Variants in CLMN observed in about 807,000 individuals in gnomAD.
CLMN encodes calmin, also known as calmin (calponin-like, transmembrane).
A neutral mutation model predicts 92.7 loss-of-function variants in CLMN; 57 were observed. The observed-to-expected ratio is 0.61, with a 90% CI of 0.50 to 0.77. CLMN has a LOEUF of 0.77. Ranked by LOEUF, CLMN falls within the 30% of genes least tolerant of loss-of-function variation. The probability of loss-of-function intolerance (pLI) is 0.00; values close to 1 mark genes in which losing one functional copy is unlikely to be tolerated. For synonymous variants in CLMN, 466 were observed against 470.6 expected (o/e 0.99, Z 0.13); for missense variants, 1,158 against 1,237.5 (o/e 0.94, Z 0.96).
At chr14:95,246,455 C>A (rs1462310522) in intron 1 of CLMN, among the ~76,000 whole-genome samples, 3 of 152,214 alleles carry the variant, frequency 2.0e-5, no homozygotes, top group Admixed American at 6.5e-5. Flanking sequence ...CCCCCCTCCT[C>A]TTGGGAACTG....
intron 1 of CLMN, among the ~76,000 whole-genome samples, chr14:95,271,043 T>C (rs564948464): frequency 5.1e-4 from 77 of 152,376 alleles, no homozygotes; most frequent in African/African-American, 1.8e-3. Flanking sequence ...AAGTGGTACT[T>C]CATTTCCACG....
chr14:95,231,318 TC>T (rs1274679879), intron 1 of CLMN, among the ~76,000 whole-genome samples: 1 of 149,856 alleles, frequency 6.7e-6, no homozygotes. Context: ...TGCCTCAGCC[TC>T]CAGAGTAGCT....
At chr14:95,214,953 C>G (rs1256421826) in intron 5 of CLMN, among the ~76,000 whole-genome samples, 1 of 152,140 alleles carries the variant, frequency 6.6e-6, no homozygotes, top group Non-Finnish European at 1.5e-5. Context: ...GAGATACCAG[C>G]TCTCTCCTTC....
intron 1 of CLMN, among the ~76,000 whole-genome samples, chr14:95,246,653 G>C (rs777423783): frequency 7.2e-5 from 11 of 152,142 alleles, no homozygotes; most frequent in Non-Finnish European, 1.5e-4. Flanking sequence ...ATTTTTGGTA[G>C]AGGTGGGGTT....
chr14:95,220,846 T>A (rs1366466946), intron 4 of CLMN, among the ~76,000 whole-genome samples: 2 of 152,086 alleles, frequency 1.3e-5, no homozygotes, highest in African/African-American at 4.8e-5. Context: ...TGCCCAGAGG[T>A]TGCAGGGGCA....
intron 1 of CLMN, 112 bp from the exon 2 acceptor site, chr14:95,230,245 T>TC (rs2140634257): frequency 1.0e-6 from 1 of 978,092 alleles, no homozygotes; most frequent in East Asian, 2.4e-5. Flanking sequence ...CCCCAGGGTG[T>TC]CCCATGTAAG....
chr14:95,202,912 G>A lies in CLMN; in HGVS notation c.2437C>T (p.Pro813Ser). 1 of 1,596,472 alleles carries A rather than the reference G, an allele frequency of 6.3e-7. No homozygotes were observed. The highest frequency in any genetic ancestry group is 8.5e-7 in the Non-Finnish European group (1 of 1,173,888). Residue 813 changes from proline (P) to serine (S), a missense_variant, in exon 9 of 13, where the codon CCC (proline) becomes TCC (serine). Pro to Ser is a moderately conservative substitution (Grantham distance 74, BLOSUM62 -1). Coordinates refer to ENST00000298912, the MANE Select transcript of CLMN (RefSeq NM_024734.4). ...TCCTCATGGGGGGCCAGTGGAGCGG[G>A]TTCTGAGGCTGGTGTGGTACCCACA... is the stretch of plus-strand genomic sequence containing the variant. ...GGVGTTPASE[P>S]APLAPHEDHQ...
Position 95,319,852 on chromosome 14 carries a change from G to C in CLMN, c.-60C>G, listed in dbSNP as rs1901973692. On this transcript the variant is annotated 5_prime_UTR_variant, in exon 1 of 13. Transcript: ENST00000298912. ...GCGGGCGGCGGGCGCGGAGAGCCTG[G>C]CTGGCGGGCGCGCGAGCGGCACGCA... 6.9e-6 allele frequency: 7 copies of C among 1,014,070 alleles called. No homozygotes were observed. Among genetic ancestry groups the C allele is most frequent in the Non-Finnish European group, 8.4e-6 (7 of 837,058 alleles). 62.8% of individuals were successfully genotyped at this position (1,014,070 alleles called of 1,614,324 possible).
intron 1 of CLMN, among the ~76,000 whole-genome samples, chr14:95,265,948 C>T (rs1899456086): frequency 2.6e-5 from 4 of 152,206 alleles, no homozygotes. Context: ...CCAGACATCT[C>T]ACACACGGGC....
chr14:95,262,926 G>A (rs1036284391), intron 1 of CLMN, among the ~76,000 whole-genome samples: 16 of 152,146 alleles, frequency 1.1e-4, no homozygotes, highest in African/African-American at 3.9e-4. Flanking sequence ...CCAAGGCCAC[G>A]CAGCTTGTTC....
At chr14:95,318,050 C>T (rs891927456) in intron 1 of CLMN, among the ~76,000 whole-genome samples, 6 of 152,092 alleles carry the variant, frequency 3.9e-5, no homozygotes, top group African/African-American at 1.4e-4. Flanking sequence ...CTGGTTGTAA[C>T]CTAATGTTCA....
In CLMN at chr14:95,205,218, T is replaced by C. The variant is rs559206145; in HGVS notation, c.886-755A>G. Among the ~76,000 whole-genome samples the C allele has an allele frequency of 2.8e-4, 42 of 152,370 alleles. 1 individual carries two copies. In the South Asian group the frequency reaches 8.3e-3, roughly 30 times the overall value. On this transcript the variant is annotated intron_variant, in intron 8 of 12. Coordinates refer to ENST00000298912, the MANE Select transcript of CLMN (RefSeq NM_024734.4). ...CTTACACACTTGTTTGGGAAAGGGC[T>C]GTATTTCCTGAGGGAAAAAAATGAC...
In CLMN at chr14:95,194,148, G is replaced by C; in HGVS notation, c.2770-229C>G. The C allele has an allele frequency of 2.8e-6, 4 of 1,411,908 alleles. No homozygotes were observed. The highest frequency in any genetic ancestry group is 2.6e-4 in the Middle Eastern group (1 of 3,826). 87.5% of individuals were successfully genotyped at this position (1,411,908 alleles called of 1,614,324 possible). ...CGAGAGACCCCACCACCCGGAACCC[G>C]GATTGGGGTGTGCTGCTCCGGGTTC... On this transcript the variant is annotated intron_variant, in intron 11 of 12. Transcript: ENST00000298912. This position sits in a 1 kb window ranked among gnomAD's most constrained non-coding sequence, Gnocchi z 4.0.
intron 1 of CLMN, among the ~76,000 whole-genome samples, chr14:95,231,320 C>T (rs1897882060): frequency 1.3e-5 from 2 of 151,994 alleles, no homozygotes; most frequent in African/African-American, 4.8e-5. Flanking sequence ...CCTCAGCCTC[C>T]AGAGTAGCTG....
At chr14:95,310,420 A>G (rs1025838387) in intron 1 of CLMN, among the ~76,000 whole-genome samples, 10 of 152,140 alleles carry the variant, frequency 6.6e-5, no homozygotes, top group African/African-American at 2.4e-4. Flanking sequence ...GCTTGTGATT[A>G]GTTAGGTCCA....
intron 1 of CLMN, among the ~76,000 whole-genome samples, chr14:95,235,048 C>A (rs1463963642): frequency 5.3e-5 from 8 of 152,088 alleles, no homozygotes; most frequent in Admixed American, 5.2e-4. Flanking sequence ...TACAGAAAAG[C>A]ATAGAGAAAA....
chr14:95,253,919 A>C (rs1223458558), intron 1 of CLMN, among the ~76,000 whole-genome samples: 1 of 152,128 alleles, frequency 6.6e-6, no homozygotes, highest in Non-Finnish European at 1.5e-5. Context: ...AGGCCCATTA[A>C]CACAGTTTTT....
At chr14:95,246,902 C>T (rs1004854831) in intron 1 of CLMN, among the ~76,000 whole-genome samples, 3 of 152,190 alleles carry the variant, frequency 2.0e-5, no homozygotes, top group Admixed American at 1.3e-4. Flanking sequence ...TTCCCAGCTG[C>T]AACCTTAACT....
In CLMN at chr14:95,209,474, ATGTC is replaced by A. The variant is rs2140587908; in HGVS notation, c.803-1_805del. Reference sequence around the variant, plus strand: ...CTGCTCGTCTGGTGTGTCAACCATGATGTCTGTCGAGAGAGACACAGGAATTAGC... The same window carrying A: ...CTGCTCGTCTGGTGTGTCAACCATGATGTCGAGAGAGACACAGGAATTAGC... On this transcript the variant is annotated splice_acceptor_variant and coding_sequence_variant, in exon 8 of 13. Coordinates refer to ENST00000298912, the MANE Select transcript of CLMN (RefSeq NM_024734.4). LOFTEE classifies it high-confidence loss of function. The A allele has an allele frequency of 6.2e-7, 1 of 1,613,678 alleles. No homozygotes were observed. The highest frequency in any genetic ancestry group is 2.2e-5 in the East Asian group (1 of 44,884).
Sources: gnomAD v4.1 joint callset for allele counts (sites outside exome capture counted in the v4.1 genomes callset) on GRCh38, gnomAD v4.1.1 for gene constraint, Gnocchi (gnomAD v3.1) non-coding constraint, MANE v1.5 for transcripts, NCBI Gene and HGNC (gene_info 2026-07-23, HGNC 2026-07-21) for gene names.